Variants in ANKRD36 observed in about 807,000 individuals in gnomAD.
ANKRD36 encodes the protein ankyrin repeat domain 36, also known as ankyrin repeat domain-containing protein 36A.
In ANKRD36, 179 loss-of-function variants were observed where a neutral mutation model predicts 278.1. The ratio of observed to expected loss-of-function variants is 0.64; its 90% CI spans 0.57 to 0.73. ANKRD36 has a LOEUF of 0.73. Ranked by LOEUF, ANKRD36 falls within the 30% of genes least tolerant of loss-of-function variation. ANKRD36 has a pLI of 0.00. For missense variants in ANKRD36, 1,159 were observed against 1,956.7 expected, an observed-to-expected ratio of 0.59 and a Z score of 7.69; for synonymous variants, 320 against 641.1, an observed-to-expected ratio of 0.50 and a Z score of 7.57.
intron 62 of ANKRD36, 155 bp from the exon 63 acceptor site, chr2:97,217,022 C>A (rs1420436757): frequency 1.9e-5 from 27 of 1,419,560 alleles, no homozygotes; most frequent in Non-Finnish European, 2.6e-5. Context: ...CAGTGTATTT[C>A]TGTCATGTTC....
At position 97,127,639 on chromosome 2, in the gene ANKRD36, A is replaced by G. The variant is rs2038963209; in HGVS notation, c.799+505A>G. 2.6e-5 allele frequency among the ~76,000 whole-genome samples: 4 copies of G among 151,998 alleles called. No individual in the cohort carries two copies. The South Asian group carries it at 8.3e-4, about 32-fold the overall frequency. On this transcript the variant is annotated intron_variant, in intron 6 of 75. Coordinates refer to ENST00000420699, the MANE Select transcript of ANKRD36 (RefSeq NM_001354587.1). The stretch of plus-strand genomic sequence containing the variant: ...ATTGTATTCTGAGTACAAGAAAGTA[A>G]GCTAGAGAAAGAAAGCTTTTGCAGT...
At chr2:97,206,886 A>G (rs1419120553) in intron 52 of ANKRD36, among the ~76,000 whole-genome samples, 1 of 151,456 alleles carries the variant, frequency 6.6e-6, no homozygotes, top group Non-Finnish European at 1.5e-5. Context: ...TTCCTTGTTC[A>G]AGGAGCCACC....
In ANKRD36 at chr2:97,122,992, A is replaced by C. The variant is rs2037317963; in HGVS notation, c.592A>C (p.Arg198=). 6.5e-7 allele frequency: 1 copy of C among 1,538,352 alleles called. No homozygotes were observed. The highest frequency in any genetic ancestry group is 8.8e-7 in the Non-Finnish European group (1 of 1,138,906). Residue 198 remains arginine (R), a splice_region_variant and synonymous_variant, in exon 4 of 76, where the codon AGA becomes CGA. Coordinates refer to ENST00000420699, the MANE Select transcript of ANKRD36 (RefSeq NM_001354587.1). Reference sequence around the variant, plus strand: ...TGTAAATGCCATTGATTATCTTGGCAGGTACAGACCTTAGTTCTTATTGTG... The same window carrying C: ...TGTAAATGCCATTGATTATCTTGGCCGGTACAGACCTTAGTTCTTATTGTG... ...ANVNAIDYLG[R]SALIHAVTLG... is the part of the protein sequence containing the mutation.
intron 67 of ANKRD36, among the ~76,000 whole-genome samples, chr2:97,228,435 T>G (rs1422355311): frequency 5.9e-5 from 9 of 152,120 alleles, no homozygotes; most frequent in Admixed American, 3.3e-4. Flanking sequence ...GAGGTGTTTG[T>G]AGTATTCTCT....
chr2:97,217,121 T>C lies in ANKRD36; in HGVS notation c.3674-56T>C, dbSNP rs532683490. On this transcript the variant is annotated intron_variant, in intron 62 of 75. Coordinates refer to ENST00000420699, the MANE Select transcript of ANKRD36 (RefSeq NM_001354587.1). Reference sequence around the variant, plus strand: ...TTGATGCTAACACTGCATGAATGTATGGACGACTTTGTCATATTTACATAT... The same window carrying C: ...TTGATGCTAACACTGCATGAATGTACGGACGACTTTGTCATATTTACATAT... 14 of 1,539,320 alleles carry C rather than the reference T, an allele frequency of 9.1e-6. No individual in the cohort carries two copies. In the East Asian group the frequency reaches 1.5e-4, roughly 16 times the overall value.
chr2:97,161,349 A>G (rs1391837415), intron 17 of ANKRD36, among the ~76,000 whole-genome samples: 3 of 152,272 alleles, frequency 2.0e-5, no homozygotes, highest in Non-Finnish European at 4.4e-5. Flanking sequence ...CACATTGCCA[A>G]TCCAGTGACT....
chr2:97,113,884 A>G lies in ANKRD36; in HGVS notation c.145A>G (p.Lys49Glu), dbSNP rs368332271. ...CTTACATGGTAATCTAGAGAAACTG[A>G]AGTACCTTCTGCTCACGTATTATGA... ...AVLHGNLEKL[K>E]YLLLTYYDAN... The change falls in exon 1 of 76, where the codon AAG (lysine) becomes GAG (glutamate). Residue 49 changes from lysine to glutamate, a missense_variant. Physicochemically the swap from Lys to Glu is moderately conservative, Grantham distance 56. Transcript: ENST00000420699. 9.3e-6 allele frequency: 15 copies of G among 1,612,980 alleles called. No individual in the cohort carries two copies. The highest frequency in any genetic ancestry group is 3.3e-5 in the Admixed American group (2 of 59,900).
chr2:97,200,136 G>A (rs1306789785), intron 44 of ANKRD36, among the ~76,000 whole-genome samples, 198 bp from the exon 45 acceptor site: 1 of 151,824 alleles, frequency 6.6e-6, no homozygotes, highest in South Asian at 2.1e-4. Context: ...AAATCGTAAG[G>A]GTGTATTTCA....
chr2:97,116,214 T>C (rs2035289817), intron 1 of ANKRD36, among the ~76,000 whole-genome samples: 2 of 152,156 alleles, frequency 1.3e-5, no homozygotes, highest in African/African-American at 4.8e-5. Flanking sequence ...AAAGAAGAAA[T>C]ATAAATCTTG....
chr2:97,243,755 C>T, intron 69 of ANKRD36, 91 bp from the exon 70 acceptor site: 1 of 1,071,756 alleles, frequency 9.3e-7, no homozygotes, highest in Non-Finnish European at 1.3e-6. Flanking sequence ...GCACGACTCC[C>T]TGGACCCCTT....
rs1327738608 is a variant in ANKRD36 at position 97,164,565 on chromosome 2, A to G, written c.1531+96A>G. ...GATTCCCACTTTTTATCCAAGTGAG[A>G]TGGAAGGATTTGATGTAAATATGCT... On this transcript the variant is annotated intron_variant, in intron 20 of 75. Transcript: ENST00000420699. The G allele has an allele frequency of 3.7e-6, 5 of 1,348,174 alleles. No homozygotes were observed. In the African/African-American group the frequency reaches 7.2e-5, roughly 19 times the overall value. 83.5% of individuals were successfully genotyped at this position (1,348,174 alleles called of 1,614,324 possible).
At chr2:97,178,696 G>A (rs2055148781) in intron 22 of ANKRD36, among the ~76,000 whole-genome samples, 1 of 149,630 alleles carries the variant, frequency 6.7e-6, no homozygotes. Flanking sequence ...GGGGAGGGGA[G>A]AGGGATAGCA....
At chr2:97,233,393 G>A (rs2153679754) in intron 67 of ANKRD36, among the ~76,000 whole-genome samples, 1 of 149,892 alleles carries the variant, frequency 6.7e-6, no homozygotes, top group Middle Eastern at 3.4e-3. Flanking sequence ...GTAAAATGGG[G>A]TAATCTAAAT....
At chr2:97,196,530 G>A in intron 40 of ANKRD36, 63 bp from the exon 41 acceptor site, 4 of 1,597,114 alleles carry the variant, frequency 2.5e-6, no homozygotes, top group South Asian at 1.1e-5. Context: ...AACTCTGCTT[G>A]AATGTATGGA....
chr2:97,151,788 C>G, intron 12 of ANKRD36, 91 bp from the exon 13 acceptor site: 1 of 931,970 alleles, frequency 1.1e-6, no homozygotes, highest in Non-Finnish European at 1.6e-6. Context: ...AACGTCCATA[C>G]TTTTCCTGTT....
intron 6 of ANKRD36, among the ~76,000 whole-genome samples, chr2:97,132,018 G>A (rs1039148770): frequency 6.6e-6 from 1 of 151,788 alleles, no homozygotes; most frequent in Non-Finnish European, 1.5e-5. Context: ...TAGTAGAGTC[G>A]GGGTTTCACC....
intron 42 of ANKRD36, 37 bp from the exon 43 acceptor site, chr2:97,198,426 T>G: frequency 6.4e-7 from 1 of 1,567,780 alleles, no homozygotes; most frequent in Admixed American, 1.9e-5. Flanking sequence ...TTGTCGTTTT[T>G]ACATATGAGT....
At chr2:97,142,384 C>CT (rs2043133944) in intron 6 of ANKRD36, among the ~76,000 whole-genome samples, 1 of 151,936 alleles carries the variant, frequency 6.6e-6, no homozygotes, top group African/African-American at 2.4e-5. Flanking sequence ...GATACTGACA[C>CT]TGTTTCATTT....
chr2:97,195,093 T>C (rs1200989733), intron 40 of ANKRD36, among the ~76,000 whole-genome samples, 176 bp downstream of exon 40: 1 of 151,988 alleles, frequency 6.6e-6, no homozygotes, highest in African/African-American at 2.4e-5. Context: ...AACATGATCT[T>C]CACTGTAAGA....
Sources: gnomAD v4.1 joint callset for allele counts (sites outside exome capture counted in the v4.1 genomes callset) on GRCh38, gnomAD v4.1.1 for gene constraint, MANE v1.5 for transcripts, NCBI Gene and HGNC (gene_info 2026-07-23, HGNC 2026-07-21) for gene names.